Variants in NGEF observed in about 807,000 individuals in gnomAD.
The protein encoded by NGEF is neuronal guanine nucleotide exchange factor.
In NGEF, 31 loss-of-function variants were observed where a neutral mutation model predicts 80.9. That is an observed-to-expected ratio of 0.38 (90% CI 0.29 to 0.52). The LOEUF (loss-of-function observed/expected upper bound fraction) is 0.52. Among genes scored for constraint, NGEF ranks in the 20% least tolerant of loss-of-function variants. NGEF has a pLI of 0.84. For missense variants in NGEF, 709 were observed against 926.2 expected (o/e 0.77, Z 3.04); for synonymous variants, 371 against 370.2 (o/e 1.00, Z -0.03).
chr2:232,932,684 G>A (rs1693240560), intron 3 of NGEF, among the ~76,000 whole-genome samples: 1 of 152,160 alleles, frequency 6.6e-6, no homozygotes, highest in Admixed American at 6.5e-5. Flanking sequence ...GAGGCTGGAA[G>A]TCTGAGATCA....
chr2:232,906,084 C>T (rs1168526667), intron 5 of NGEF, among the ~76,000 whole-genome samples: 1 of 122,734 alleles, frequency 8.1e-6, no homozygotes, highest in Non-Finnish European at 1.8e-5. Flanking sequence ...GGGTCAGCCC[C>T]CCGCCTGGTC....
At chr2:232,885,449 C>G (rs1380464977) in intron 9 of NGEF, 80 bp from the exon 10 acceptor site, 2 of 1,205,534 alleles carry the variant, frequency 1.7e-6, no homozygotes, top group African/African-American at 1.5e-5. Flanking sequence ...AGGCCACAGA[C>G]AGGGCTGAGT....
intron 14 of NGEF, 108 bp from the exon 15 acceptor site, chr2:232,879,787 C>T: frequency 1.9e-6 from 2 of 1,047,432 alleles, no homozygotes; most frequent in South Asian, 1.6e-5. Flanking sequence ...ACTAGGGGTC[C>T]AGCTGGCCTT....
chr2:232,884,398 G>A (rs1391471796), intron 10 of NGEF, among the ~76,000 whole-genome samples: 1 of 152,232 alleles, frequency 6.6e-6, no homozygotes, highest in Non-Finnish European at 1.5e-5. Flanking sequence ...ACTTCTATGT[G>A]TATGGACTGT....
At position 232,960,872 on chromosome 2, in the gene NGEF, C is replaced by T. The variant is rs901015119; in HGVS notation, c.383+9342G>A. ...CAGCCTGGACAACAAGAGCAAAGCT[C>T]CATCTCAAAAAACAACATGTGGGGA... is the stretch of plus-strand genomic sequence containing the variant. On this transcript the variant is annotated intron_variant, in intron 3 of 14. Transcript: ENST00000264051. 2.5e-4 allele frequency among the ~76,000 whole-genome samples: 38 copies of T among 152,134 alleles called. 1 individual carries two copies. The highest frequency in any genetic ancestry group is 8.4e-4 in the African/African-American group (35 of 41,438).
intron 3 of NGEF, among the ~76,000 whole-genome samples, chr2:232,951,420 C>T (rs1693677029): frequency 6.6e-6 from 1 of 152,234 alleles, no homozygotes; most frequent in African/African-American, 2.4e-5. Flanking sequence ...CGACAACCTT[C>T]TCTCTGCAGA....
intron 14 of NGEF, among the ~76,000 whole-genome samples, chr2:232,880,487 GGAGGTCACAGCCT>G (rs1006374071): frequency 6.6e-6 from 1 of 152,248 alleles, no homozygotes; most frequent in African/African-American, 2.4e-5. Context: ...GGCCTCCCCT[GGAGGTCACAGCCT>G]GAGGCCTTCT....
chr2:232,922,021 C>A (rs975953125), intron 4 of NGEF, among the ~76,000 whole-genome samples: 2 of 152,108 alleles, frequency 1.3e-5, no homozygotes, highest in Non-Finnish European at 2.9e-5. Context: ...CGAGATGTAC[C>A]CAGGCACCCA....
At chr2:233,004,312 T>C (rs1242648547) in intron 1 of NGEF, among the ~76,000 whole-genome samples, 1 of 152,088 alleles carries the variant, frequency 6.6e-6, no homozygotes, top group African/African-American at 2.4e-5. Flanking sequence ...ACCCCTCCCA[T>C]GCTCCCTGCT....
intron 8 of NGEF, among the ~76,000 whole-genome samples, chr2:232,888,689 G>A (rs1236213570): frequency 6.6e-6 from 1 of 152,182 alleles, no homozygotes; most frequent in Non-Finnish European, 1.5e-5. Flanking sequence ...GTCCCCAAGG[G>A]GAGCTAAATG....
Position 232,948,147 on chromosome 2 carries a change from A to AT in NGEF, c.384-20962dup, listed in dbSNP as rs1553553128. Among the ~76,000 whole-genome samples, 3 of 141,570 alleles carry AT rather than the reference A, an allele frequency of 2.1e-5. No individual in the cohort carries two copies. The Admixed American group carries it at 2.1e-4, about 10-fold the overall frequency. 92.9% of individuals were successfully genotyped at this position (141,570 alleles called of 152,430 possible). A position where few individuals can be genotyped will look rare whatever the true frequency, so the allele number is the denominator to read the frequency against. On this transcript the variant is annotated intron_variant, in intron 3 of 14. Transcript: ENST00000264051. The stretch of plus-strand genomic sequence containing the variant: ...GGGGTCATTTGAATATAGCCTGGAG[A>AT]TGTGTGTGTGTGTGTGTGTGTGTGT...
At chr2:232,903,002 A>AAAAAC (rs10683294) in intron 5 of NGEF, among the ~76,000 whole-genome samples, 113,662 of 151,132 alleles carry the variant, frequency 0.75, 42,976 homozygotes, top group Admixed American at 0.78. Flanking sequence ...AAAACAAAAC[A>AAAAAC]AAAACAAAAC....
intron 1 of NGEF, among the ~76,000 whole-genome samples, chr2:232,999,900 G>A (rs1472792282): frequency 6.6e-6 from 1 of 152,220 alleles, no homozygotes; most frequent in Non-Finnish European, 1.5e-5. Flanking sequence ...CCCATAGTCA[G>A]GGAGATTTAT....
rs1268061981 is a variant in NGEF, at chr2:232,878,719, C to CTTCT, written c.*766_*769dup. ...CATCTTCTTTATTTTATATATGATG[C>CTTCT]TTCTTTTAATGCAGCCAAAAGTGAT... On this transcript the variant is annotated 3_prime_UTR_variant, in exon 15 of 15. Coordinates refer to ENST00000264051, the MANE Select transcript of NGEF (RefSeq NM_019850.3). The CTTCT allele has an allele frequency of 6.6e-6, 1 of 152,634 alleles. No homozygotes were observed. Among genetic ancestry groups the CTTCT allele is most frequent in the Admixed American group, 6.5e-5 (1 of 15,290 alleles). 9.5% of individuals were successfully genotyped at this position (152,634 alleles called of 1,614,324 possible). A position where few individuals can be genotyped will look rare whatever the true frequency, so the allele number is the denominator to read the frequency against.
At chr2:232,895,217 T>C (rs1692019412) in intron 5 of NGEF, among the ~76,000 whole-genome samples, 1 of 152,058 alleles carries the variant, frequency 6.6e-6, no homozygotes, top group Non-Finnish European at 1.5e-5. Flanking sequence ...ATCCAAAATA[T>C]GAAACAAGAC....
Position 232,879,420 on chromosome 2 carries a change from G to GCCCCCCCCCCCCC in NGEF, c.*56_*68dup. 4 of 1,228,156 alleles carry GCCCCCCCCCCCCC rather than the reference G, an allele frequency of 3.3e-6. No homozygotes were observed. In the South Asian group the frequency reaches 6.1e-5, roughly 19 times the overall value. 76.1% of individuals were successfully genotyped at this position (1,228,156 alleles called of 1,614,324 possible). ...GAGGTGCTGGCCTGTGCTTCCCAGA[G>GCCCCCCCCCCCCC]CCCCCCCCCCCCCACCTTCTGTCGG... On this transcript the variant is annotated 3_prime_UTR_variant, in exon 15 of 15. Coordinates refer to ENST00000264051, the MANE Select transcript of NGEF (RefSeq NM_019850.3).
intron 3 of NGEF, among the ~76,000 whole-genome samples, chr2:232,943,388 A>C (rs1693478462): frequency 6.6e-6 from 1 of 152,152 alleles, no homozygotes; most frequent in Non-Finnish European, 1.5e-5. Context: ...TTCTCGTTGA[A>C]AACTCCTGAG....
chr2:233,005,502 T>C (rs1695066421), intron 1 of NGEF, among the ~76,000 whole-genome samples: 1 of 152,212 alleles, frequency 6.6e-6, no homozygotes, highest in African/African-American at 2.4e-5. Flanking sequence ...GGCAAAAAGT[T>C]CAGCATCTTG....
At chr2:232,972,716 C>T (rs545754958) in intron 2 of NGEF, among the ~76,000 whole-genome samples, 1 of 151,048 alleles carries the variant, frequency 6.6e-6, no homozygotes, top group African/African-American at 2.4e-5. Flanking sequence ...AAGCCTGCTC[C>T]CACTTTCTCC....
Sources: gnomAD v4.1 joint callset for allele counts (sites outside exome capture counted in the v4.1 genomes callset) on GRCh38, gnomAD v4.1.1 for gene constraint, MANE v1.5 for transcripts, NCBI Gene and HGNC (gene_info 2026-07-23, HGNC 2026-07-21) for gene names.